Variants in UHRF2 observed in about 807,000 individuals in gnomAD.
The protein encoded by UHRF2 is ubiquitin like with PHD and ring finger domains 2.
UHRF2 carries 23 observed loss-of-function variants against 96.8 expected under a neutral mutation model. The ratio of observed to expected loss-of-function variants is 0.24; its 90% CI spans 0.17 to 0.34. The LOEUF (loss-of-function observed/expected upper bound fraction) is 0.34, where lower values mean the gene tolerates loss of function less well. Among genes scored for constraint, UHRF2 ranks in the 10% least tolerant of loss-of-function variants. The pLI is 1.00. For missense variants in UHRF2, 685 were observed against 981.5 expected, an observed-to-expected ratio of 0.70 and a Z score of 4.04; for synonymous variants, 385 against 332.6, an observed-to-expected ratio of 1.16 and a Z score of -1.72.
intron 4 of UHRF2, among the ~76,000 whole-genome samples, chr9:6,461,311 C>CT (rs745553878): frequency 1.3e-4 from 20 of 151,548 alleles, no homozygotes; most frequent in Non-Finnish European, 2.5e-4. Flanking sequence ...TCTTTCTTTT[C>CT]TTTTTTTCTT....
At chr9:6,458,633 A>G (rs959928163) in intron 3 of UHRF2, among the ~76,000 whole-genome samples, 2 of 152,122 alleles carry the variant, frequency 1.3e-5, no homozygotes, top group African/African-American at 4.8e-5. Context: ...GGGAGTGTAA[A>G]TTAGTTCAAC....
At chr9:6,481,012 G>A (rs1431469441) in intron 6 of UHRF2, among the ~76,000 whole-genome samples, 1 of 152,114 alleles carries the variant, frequency 6.6e-6, no homozygotes, top group Non-Finnish European at 1.5e-5. Flanking sequence ...TCCTTTGCTT[G>A]GTGACATAAG....
chr9:6,500,686 C>G lies in UHRF2; in HGVS notation c.2140C>G (p.Leu714Val). 1 of 1,612,674 alleles carries G rather than the reference C, an allele frequency of 6.2e-7. No individual in the cohort carries two copies. Among genetic ancestry groups the G allele is most frequent in the Non-Finnish European group, 8.5e-7 (1 of 1,179,490 alleles). Residue 714 changes from leucine to valine, a missense_variant, in exon 14 of 16, where the codon CTT becomes GTT. This residue lies in a region of UHRF2 where 71 missense variants were observed against 114.1 expected (regional missense o/e 0.62). Transcript: ENST00000276893. ...AAACCAGAAGCTGTGGGATGAAGTG[C>G]TTTCACATCTTGTGGAAGGACCAGT... ...CQNQKLWDEV[L>V]SHLVEGPNFL... is the part of the protein sequence containing the mutation.
At chr9:6,466,198 C>G (rs188767239) in intron 4 of UHRF2, among the ~76,000 whole-genome samples, 1 of 152,006 alleles carries the variant, frequency 6.6e-6, no homozygotes, top group Non-Finnish European at 1.5e-5. Context: ...GTCAGGAGTT[C>G]GAGACCAGCC....
chr9:6,460,531 G>A (rs1277692323), intron 3 of UHRF2, 42 bp from the exon 4 acceptor site: 7 of 1,514,588 alleles, frequency 4.6e-6, no homozygotes, highest in Non-Finnish European at 6.3e-6. Context: ...AACTTTAGTT[G>A]TCTTTGGTAA....
chr9:6,494,496 C>G (rs552407090), intron 10 of UHRF2: 1 of 152,194 alleles, frequency 6.6e-6, no homozygotes, highest in South Asian at 2.1e-4. Flanking sequence ...AAAGAGCCAC[C>G]GTGTGCTGAT....
chr9:6,456,572 G>A (rs1418627503), intron 3 of UHRF2, among the ~76,000 whole-genome samples: 8 of 152,108 alleles, frequency 5.3e-5, no homozygotes, highest in East Asian at 1.9e-4. Context: ...TTCTGTTGCC[G>A]TTGCTTTTGG....
intron 3 of UHRF2, among the ~76,000 whole-genome samples, chr9:6,447,222 T>G (rs747717067): frequency 3.5e-4 from 54 of 152,306 alleles, no homozygotes; most frequent in Non-Finnish European, 6.6e-4. Flanking sequence ...TTATGTTGTT[T>G]CTACTATTAG....
chr9:6,498,236 A>G (rs113162526), intron 12 of UHRF2, 78 bp downstream of exon 12: 22 of 1,463,048 alleles, frequency 1.5e-5, no homozygotes, highest in Non-Finnish European at 2.0e-5. Context: ...TTAACACTGG[A>G]TATAACCCAC....
intron 3 of UHRF2, among the ~76,000 whole-genome samples, chr9:6,441,278 G>C (rs1372305319): frequency 1.3e-5 from 2 of 152,132 alleles, no homozygotes; most frequent in Non-Finnish European, 2.9e-5. Context: ...GGAGGCTGAA[G>C]TGGGAGGATG....
intron 9 of UHRF2, chr9:6,492,810 G>T (rs1241543855): frequency 7.1e-6 from 1 of 140,872 alleles, no homozygotes; most frequent in African/African-American, 2.6e-5. Context: ...AGCTGCTATA[G>T]AAGTAATTGG....
chr9:6,462,708 G>C (rs1822619749), intron 4 of UHRF2, among the ~76,000 whole-genome samples: 1 of 151,986 alleles, frequency 6.6e-6, no homozygotes, highest in African/African-American at 2.4e-5. Flanking sequence ...CATGAGGTCA[G>C]GAGTTCGAGA....
At chr9:6,478,655 A>G (rs1823736518) in intron 6 of UHRF2, among the ~76,000 whole-genome samples, 1 of 152,206 alleles carries the variant, frequency 6.6e-6, no homozygotes, top group African/African-American at 2.4e-5. Flanking sequence ...CCATATTGCT[A>G]CTGGTGAGCG....
intron 4 of UHRF2, among the ~76,000 whole-genome samples, chr9:6,461,366 C>G (rs1250574950): frequency 3.4e-5 from 3 of 88,402 alleles, no homozygotes; most frequent in Admixed American, 1.7e-4. Context: ...CCCCCTCCTC[C>G]TCTCCCCCTC....
intron 9 of UHRF2, among the ~76,000 whole-genome samples, chr9:6,487,614 G>A (rs376295849): frequency 7.9e-5 from 12 of 152,110 alleles, no homozygotes; most frequent in Non-Finnish European, 1.3e-4. Flanking sequence ...TGATCCTCCC[G>A]CCTTGGCCTC....
At chr9:6,420,851 C>G (rs1193989385) in intron 1 of UHRF2, 61 bp from the exon 2 acceptor site, 1 of 1,394,364 alleles carries the variant, frequency 7.2e-7, no homozygotes, top group Non-Finnish European at 1.0e-6. Context: ...ATTTGAGCAA[C>G]TAAAAATGTA....
chr9:6,497,953 C>A, intron 11 of UHRF2, 65 bp from the exon 12 acceptor site: 3 of 1,577,026 alleles, frequency 1.9e-6, no homozygotes, highest in Non-Finnish European at 2.6e-6. Flanking sequence ...TATTTTGATA[C>A]CACTAATGTG....
chr9:6,445,609 G>A (rs998525027), intron 3 of UHRF2, among the ~76,000 whole-genome samples: 2 of 152,158 alleles, frequency 1.3e-5, no homozygotes, highest in South Asian at 4.1e-4. Flanking sequence ...ACAGGTTGGA[G>A]TGCAGTGGCA....
chr9:6,423,211 C>T (rs1820037864), intron 2 of UHRF2, among the ~76,000 whole-genome samples: 1 of 152,138 alleles, frequency 6.6e-6, no homozygotes, highest in Non-Finnish European at 1.5e-5. Flanking sequence ...AACCATGTTT[C>T]CAAAGAAAGT....
Sources: gnomAD v4.1 joint callset for allele counts (sites outside exome capture counted in the v4.1 genomes callset) on GRCh38, gnomAD v4.1.1 for gene constraint, gnomAD v4.1.1 regional missense constraint, MANE v1.5 for transcripts, NCBI Gene and HGNC (gene_info 2026-07-23, HGNC 2026-07-21) for gene names.